TRAM2: variants seen among roughly 807,000 people sequenced by gnomAD.
TRAM2 encodes the protein translocating chain-associated membrane protein 2.
A neutral mutation model predicts 51.0 loss-of-function variants in TRAM2; 12 were observed. The ratio of observed to expected loss-of-function variants is 0.24; its 90% CI spans 0.15 to 0.38. The LOEUF is 0.38. Among genes scored for constraint, TRAM2 ranks in the 10% least tolerant of loss-of-function variants. The pLI, the probability that TRAM2 is intolerant of heterozygous loss-of-function variation, is 1.00. For synonymous variants in TRAM2, 175 were observed against 179.4 expected, an observed-to-expected ratio of 0.98 and a Z score of 0.20; for missense variants, 361 against 462.0, an observed-to-expected ratio of 0.78 and a Z score of 2.00.
intron 1 of TRAM2, among the ~76,000 whole-genome samples, chr6:52,542,451 T>C (rs1767120039): frequency 6.6e-6 from 1 of 152,182 alleles, no homozygotes; most frequent in East Asian, 1.9e-4. Flanking sequence ...TTGTGCTTTC[T>C]GAAAATCTCC....
chr6:52,570,497 A>T (rs890079528), intron 1 of TRAM2, among the ~76,000 whole-genome samples: 5 of 152,126 alleles, frequency 3.3e-5, no homozygotes, highest in African/African-American at 4.8e-5. Flanking sequence ...GACGTTGCTG[A>T]GTTCTTATTT....
At chr6:52,571,763 T>C (rs1767684925) in intron 1 of TRAM2, among the ~76,000 whole-genome samples, 1 of 152,182 alleles carries the variant, frequency 6.6e-6, no homozygotes, top group African/African-American at 2.4e-5. Flanking sequence ...TCTCAAAACA[T>C]ATCATCTCTA....
chr6:52,548,758 G>A (rs971634661), intron 1 of TRAM2, among the ~76,000 whole-genome samples: 4 of 152,174 alleles, frequency 2.6e-5, no homozygotes, highest in Non-Finnish European at 4.4e-5. Context: ...ATGCATAAAG[G>A]GTTCATTTTA....
rs528981331 is a variant in TRAM2 at position 52,552,505 on chromosome 6, A to G, written c.121-16659T>C. Among the ~76,000 whole-genome samples, 129 of 152,280 alleles carry G rather than the reference A, an allele frequency of 8.5e-4. 1 individual carries two copies. Among genetic ancestry groups the G allele is most frequent in the South Asian group, 1.9e-3 (9 of 4,814 alleles). On this transcript the variant is annotated intron_variant, in intron 1 of 10. Transcript: ENST00000182527. ...CCTGTTCCCTGACAGCTCAGCCACA[A>G]ACCCGACGGGCTGCTTCCAGCTGCT...
chr6:52,500,210 C>G lies in TRAM2; in HGVS notation c.*2987G>C, dbSNP rs899936403. 3.9e-5 allele frequency: 6 copies of G among 152,206 alleles called. No individual in the cohort carries two copies. Among genetic ancestry groups the G allele is most frequent in the Non-Finnish European group, 7.3e-5 (5 of 68,068 alleles). The allele number at this position is 152,206 out of a possible 1,614,324, so 9.4% of individuals were successfully genotyped here. On this transcript the variant is annotated 3_prime_UTR_variant, in exon 11 of 11. Coordinates refer to ENST00000182527, the MANE Select transcript of TRAM2 (RefSeq NM_012288.4). ...TCAAGCTTGGAGGTGTCTGGCAGAG[C>G]CTTCACAAATGGCTTGGCACTTTGG...
chr6:52,558,390 C>CA (rs2114102144), intron 1 of TRAM2, among the ~76,000 whole-genome samples: 1 of 152,242 alleles, frequency 6.6e-6, no homozygotes, highest in African/African-American at 2.4e-5. Context: ...CTGTCTTCCC[C>CA]ATTAGACTGA....
chr6:52,562,412 G>C (rs956907253), intron 1 of TRAM2, among the ~76,000 whole-genome samples: 2 of 152,174 alleles, frequency 1.3e-5, no homozygotes, highest in African/African-American at 4.8e-5. Context: ...CTTGTATGAG[G>C]TGCCAGAGGC....
chr6:52,515,289 G>A (rs547412949), intron 4 of TRAM2, among the ~76,000 whole-genome samples: 26 of 152,228 alleles, frequency 1.7e-4, no homozygotes, highest in Non-Finnish European at 3.5e-4. Context: ...TTCCTAGCAG[G>A]ACAGGCAAGG....
rs114834804 is a variant in TRAM2 at position 52,506,179 on chromosome 6, T to G, written c.627-43A>C. On this transcript the variant is annotated intron_variant, in intron 7 of 10. Coordinates refer to ENST00000182527, the MANE Select transcript of TRAM2 (RefSeq NM_012288.4). The stretch of plus-strand genomic sequence containing the variant: ...TAGACTTACATTCCCTCCAAGATGC[T>G]GCGTGGAGCAGAAGCCATTGCATCT... 1.1e-3 allele frequency: 1,667 copies of G among 1,564,458 alleles called. 16 individuals are homozygous for G. The African/African-American group carries it at 0.02, about 18-fold the overall frequency.
At chr6:52,570,302 G>C (rs1313081893) in intron 1 of TRAM2, among the ~76,000 whole-genome samples, 2 of 152,128 alleles carry the variant, frequency 1.3e-5, no homozygotes, top group African/African-American at 2.4e-5. Flanking sequence ...TCTCTTTCAG[G>C]GAGATGCAAA....
intron 1 of TRAM2, among the ~76,000 whole-genome samples, chr6:52,537,563 C>T (rs1436602099): frequency 6.6e-6 from 1 of 152,128 alleles, no homozygotes; most frequent in Non-Finnish European, 1.5e-5. Context: ...GAAGCCATTC[C>T]CAGCTGTTCA....
At chr6:52,560,431 T>C (rs1767480264) in intron 1 of TRAM2, among the ~76,000 whole-genome samples, 1 of 152,202 alleles carries the variant, frequency 6.6e-6, no homozygotes, top group South Asian at 2.1e-4. Flanking sequence ...TACATACTAA[T>C]TTGTAATCTA....
intron 1 of TRAM2, among the ~76,000 whole-genome samples, chr6:52,563,113 C>T (rs190353035): frequency 6.6e-6 from 1 of 152,076 alleles, no homozygotes; most frequent in African/African-American, 2.4e-5. Context: ...TTTATAAGAG[C>T]AAAACACTGG....
intron 1 of TRAM2, among the ~76,000 whole-genome samples, chr6:52,541,914 C>T (rs950140100): frequency 6.6e-6 from 1 of 151,256 alleles, no homozygotes; most frequent in African/African-American, 2.4e-5. Flanking sequence ...TTTACAGGAG[C>T]AGCTCTGCTC....
At chr6:52,576,088 T>C (rs1581707394) in intron 1 of TRAM2, among the ~76,000 whole-genome samples, 1 of 152,086 alleles carries the variant, frequency 6.6e-6, no homozygotes, top group African/African-American at 2.4e-5. Flanking sequence ...AAGTGGAGGG[T>C]ATCCCTGTCT....
chr6:52,503,914 CGT>C lies in TRAM2; in HGVS notation c.1040-646_1040-645del, dbSNP rs556546870. Among the ~76,000 whole-genome samples, 283 of 152,336 alleles carry C rather than the reference CGT, an allele frequency of 1.9e-3. 1 individual carries two copies. The highest frequency in any genetic ancestry group is 6.6e-3 in the African/African-American group (274 of 41,578). ...ACTCTGTGACACACCCAGCTGCGCGCGTGTCTGGTTCAAACACACATAAGCCT... is the reference window on the plus strand; with the variant it reads ...ACTCTGTGACACACCCAGCTGCGCGCGTCTGGTTCAAACACACATAAGCCT... On this transcript the variant is annotated intron_variant, in intron 10 of 10. Coordinates refer to ENST00000182527, the MANE Select transcript of TRAM2 (RefSeq NM_012288.4).
chr6:52,519,392 A>C (rs1396509271), intron 2 of TRAM2, among the ~76,000 whole-genome samples: 2 of 152,258 alleles, frequency 1.3e-5, no homozygotes, highest in Non-Finnish European at 2.9e-5. Context: ...ACCACTCATC[A>C]TTAGGGCACT....
chr6:52,536,584 C>G (rs1766980425), intron 1 of TRAM2, among the ~76,000 whole-genome samples: 1 of 152,176 alleles, frequency 6.6e-6, no homozygotes, highest in Admixed American at 6.5e-5. Flanking sequence ...AATGCCAGCT[C>G]TGCCATTTTC....
intron 1 of TRAM2, among the ~76,000 whole-genome samples, chr6:52,574,104 T>C (rs1767724782): frequency 6.6e-6 from 1 of 152,114 alleles, no homozygotes; most frequent in African/African-American, 2.4e-5. Context: ...GAGTCCCCAG[T>C]TGCACCTACC....
Sources: gnomAD v4.1 joint callset for allele counts (sites outside exome capture counted in the v4.1 genomes callset) on GRCh38, gnomAD v4.1.1 for gene constraint, MANE v1.5 for transcripts, NCBI Gene and HGNC (gene_info 2026-07-23, HGNC 2026-07-21) for gene names.